The following MGAT1 variants were observed in gnomAD, a reference collection of about 807,000 sequenced individuals.
MGAT1 encodes alpha-1,3-mannosyl-glycoprotein 2-beta-N-acetylglucosaminyltransferase.
In MGAT1, 14 loss-of-function variants were observed where a neutral mutation model predicts 31.7. The observed-to-expected ratio is 0.44, with a 90% CI of 0.29 to 0.69. MGAT1 has a LOEUF of 0.69. Ranked by LOEUF, MGAT1 falls within the 30% of genes least tolerant of loss-of-function variation. The pLI is 0.12. For missense variants in MGAT1, 557 were observed against 626.0 expected, an observed-to-expected ratio of 0.89 and a Z score of 1.18; for synonymous variants, 338 against 276.0, an observed-to-expected ratio of 1.22 and a Z score of -2.23.
At position 180,789,900 on chromosome 5, in the gene MGAT1, G is replaced by A. The variant is rs1767842067; in HGVS notation, c.*1734C>T. The A allele has an allele frequency of 6.6e-6, 1 of 150,856 alleles. No individual in the cohort carries two copies. The highest frequency in any genetic ancestry group is 6.7e-5 in the Admixed American group (1 of 14,966). 9.3% of individuals were successfully genotyped at this position (150,856 alleles called of 1,614,324 possible). ...CCGCCTCAGCCTCCCAAAGTGCTGG[G>A]ATTACATGTGTAAGCCACTGCGCCC... On this transcript the variant is annotated 3_prime_UTR_variant, in exon 2 of 2. Transcript: ENST00000307826.
upstream of MGAT1, chr5:180,802,907 G>GCCCCGCC (rs1771201464): frequency 6.8e-6 from 1 of 147,612 alleles, no homozygotes; most frequent in African/African-American, 2.5e-5. Context: ...GCCCCGCCGC[G>GCCCCGCC]CCCCGCCCCC....
rs1271698918 is a variant in MGAT1 at position 180,788,573 on chromosome 5, G to C, written c.*3061C>G. Reference sequence around the variant, plus strand: ...TGGGCAACTTCACCTCTGTGTGCCTGCTTCCTCACTGGTAAAACAGGAGCA... The same window carrying C: ...TGGGCAACTTCACCTCTGTGTGCCTCCTTCCTCACTGGTAAAACAGGAGCA... On this transcript the variant is annotated 3_prime_UTR_variant, in exon 2 of 2. Coordinates refer to ENST00000307826, the MANE Select transcript of MGAT1 (RefSeq NM_002406.4). 1.3e-5 allele frequency: 2 copies of C among 152,434 alleles called. No homozygotes were observed. The highest frequency in any genetic ancestry group is 4.8e-5 in the African/African-American group (2 of 41,468). 9.4% of individuals were successfully genotyped at this position (152,434 alleles called of 1,614,324 possible). A position where few individuals can be genotyped will look rare whatever the true frequency, so the allele number is the denominator to read the frequency against.
In MGAT1 at chr5:180,791,464, G is replaced by A. The variant is rs541002254; in HGVS notation, c.*170C>T. ...CCCCTGATCTGACTCCCTTGAGAAC[G>A]GGAGAATAATCCTCTTGTTATCATT... On this transcript the variant is annotated 3_prime_UTR_variant, in exon 2 of 2. Transcript: ENST00000307826. 12 of 802,514 alleles carry A rather than the reference G, an allele frequency of 1.5e-5. No homozygotes were observed. The highest frequency in any genetic ancestry group is 1.1e-4 in the South Asian group (6 of 54,478). The allele number at this position is 802,514 out of a possible 1,614,324, so 49.7% of individuals were successfully genotyped here.
intron 1 of MGAT1, among the ~76,000 whole-genome samples, chr5:180,799,327 C>G (rs369351460): frequency 6.6e-6 from 1 of 152,210 alleles, no homozygotes; most frequent in African/African-American, 2.4e-5. Context: ...CTGGACGCTG[C>G]TGTGTCTCTG....
At chr5:180,805,179 G>A (rs1258197332), upstream of MGAT1, among the ~76,000 whole-genome samples, 1 of 150,900 alleles carries the variant, frequency 6.6e-6, no homozygotes, top group Non-Finnish European at 1.5e-5. Context: ...CCTGGGATTG[G>A]ATTATGTGCA....
rs148553153 is a variant in MGAT1, at chr5:180,814,679, C to T, written c.-546+735G>A. Among the ~76,000 whole-genome samples the T allele has an allele frequency of 6.2e-3, 936 of 152,194 alleles. 25 individuals carry two copies. Among genetic ancestry groups the T allele is most frequent in the Admixed American group, 0.043 (653 of 15,288 alleles). On this transcript the variant is annotated intron_variant, in intron 1 of 2. Transcript: ENST00000333055. ...AACTGGGGTCGGGTGCAGTGGCTCACGCTTGTAATCTCAGCACTTTGGGAG... is the reference window on the plus strand; with the variant it reads ...AACTGGGGTCGGGTGCAGTGGCTCATGCTTGTAATCTCAGCACTTTGGGAG...
Position 180,789,363 on chromosome 5 carries a change from A to C in MGAT1, c.*2271T>G, listed in dbSNP as rs1767797892. On this transcript the variant is annotated 3_prime_UTR_variant, in exon 2 of 2. Transcript: ENST00000307826. ...AGTGGTGCGATCTCAGGTCACTGCA[A>C]CCACCCCGTCCCGGGTTCAAGCAAT... 6.6e-6 allele frequency: 1 copy of C among 152,236 alleles called. No individual in the cohort carries two copies. The highest frequency in any genetic ancestry group is 6.5e-5 in the Admixed American group (1 of 15,282). 9.4% of individuals were successfully genotyped at this position (152,236 alleles called of 1,614,324 possible). A position where few individuals can be genotyped will look rare whatever the true frequency, so the allele number is the denominator to read the frequency against.
chr5:180,794,159 A>C (rs1187956286), intron 1 of MGAT1, among the ~76,000 whole-genome samples: 3 of 151,254 alleles, frequency 2.0e-5, no homozygotes, highest in Non-Finnish European at 4.4e-5. Context: ...CAGGAGGATC[A>C]CTTGAGCCCA....
Position 180,792,782 on chromosome 5 carries a change from C to T in MGAT1, c.190G>A (p.Glu64Lys). 7 of 1,550,818 alleles carry T rather than the reference C, an allele frequency of 4.5e-6. No homozygotes were observed. Among genetic ancestry groups the T allele is most frequent in the Non-Finnish European group, 6.1e-6 (7 of 1,147,778 alleles). ...VIRLAQDAEV[E>K]LERQRGLLQQ... ...AGCAGCCCACGCTGCCGCTCCAGCT[C>T]CACCTCGGCGTCTTGGGCCAGGCGA... Residue 64 changes from glutamate (E) to lysine (K), a missense_variant, in exon 2 of 2, where the codon GAG becomes AAG. Transcript: ENST00000307826.
At chr5:180,795,968 G>C (rs1769276212) in intron 1 of MGAT1, 2 of 152,824 alleles carry the variant, frequency 1.3e-5, no homozygotes, top group African/African-American at 2.4e-5. Context: ...GAAAGGATCT[G>C]AAACACTCCC....
At chr5:180,808,801 G>C (rs1429134776) in exon 2 of MGAT1, 1 of 152,254 alleles carries the variant, frequency 6.6e-6, no homozygotes, top group Non-Finnish European at 1.5e-5. Context: ...TGACCCTGAC[G>C]GGGAGGAGTC....
upstream of MGAT1, among the ~76,000 whole-genome samples, chr5:180,804,484 G>T (rs1484010897): frequency 1.3e-5 from 2 of 152,208 alleles, no homozygotes; most frequent in Admixed American, 1.3e-4. Context: ...CGATGTGCGG[G>T]AAGCCCGTGG....
chr5:180,814,443 C>T (rs1420673998), intron 1 of MGAT1, among the ~76,000 whole-genome samples: 1 of 152,246 alleles, frequency 6.6e-6, no homozygotes, highest in Non-Finnish European at 1.5e-5. Context: ...GCTGCTCCTC[C>T]TCAGCATCCT....
intron 1 of MGAT1, chr5:180,810,066 T>C (rs1772379393): frequency 7.6e-6 from 1 of 132,062 alleles, no homozygotes; most frequent in African/African-American, 2.9e-5. Flanking sequence ...CCGTCTCGGC[T>C]AGGAGCCGCG....
chr5:180,800,757 C>A (rs1770581839), intron 1 of MGAT1, among the ~76,000 whole-genome samples: 1 of 152,216 alleles, frequency 6.6e-6, no homozygotes, highest in South Asian at 2.1e-4. Flanking sequence ...TGGACAATGT[C>A]AAACTATAAC....
intron 1 of MGAT1, among the ~76,000 whole-genome samples, chr5:180,801,163 T>C (rs1770683330): frequency 6.6e-6 from 1 of 152,256 alleles, no homozygotes; most frequent in Non-Finnish European, 1.5e-5. Flanking sequence ...TCTAACACTC[T>C]GATACCATGG....
chr5:180,814,511 C>T (rs967571349), intron 1 of MGAT1, among the ~76,000 whole-genome samples: 1 of 152,210 alleles, frequency 6.6e-6, no homozygotes, highest in Non-Finnish European at 1.5e-5. Flanking sequence ...TGCGGAGTTC[C>T]CTAGGGCTCT....
At chr5:180,794,411 T>TATATATATATATATATATATATATATATA (rs1554130048) in intron 1 of MGAT1, among the ~76,000 whole-genome samples, 1 of 142,032 alleles carries the variant, frequency 7.0e-6, no homozygotes, top group African/African-American at 2.8e-5. Context: ...TTTTTTTTTA[T>TATATATATATATATATATATATATATATA]TATATATATA....
At position 180,788,952 on chromosome 5, in the gene MGAT1, C is replaced by G. The variant is rs146588015; in HGVS notation, c.*2682G>C. On this transcript the variant is annotated 3_prime_UTR_variant, in exon 2 of 2. Coordinates refer to ENST00000307826, the MANE Select transcript of MGAT1 (RefSeq NM_002406.4). ...ATGCGCATGGAGCGTGGCGGCCAAACTCCTCCTGGCTCCACCGGAAAGGGC... is the reference window on the plus strand; with the variant it reads ...ATGCGCATGGAGCGTGGCGGCCAAAGTCCTCCTGGCTCCACCGGAAAGGGC... 6.6e-6 allele frequency: 1 copy of G among 152,254 alleles called. No individual in the cohort carries two copies. 9.4% of individuals were successfully genotyped at this position (152,254 alleles called of 1,614,324 possible). A position where few individuals can be genotyped will look rare whatever the true frequency, so the allele number is the denominator to read the frequency against.
Sources: allele counts gnomAD v4.1 joint callset (sites outside exome capture counted in the v4.1 genomes callset), GRCh38; gene constraint gnomAD v4.1.1; transcripts MANE v1.5; gene names NCBI Gene and HGNC (gene_info 2026-07-23, HGNC 2026-07-21).